Variants in MAP3K1 observed in about 807,000 individuals in gnomAD.
MAP3K1 encodes the protein MAP/ERK kinase kinase 1.
In MAP3K1, 36 loss-of-function variants were observed where a neutral mutation model predicts 144.2. The observed-to-expected ratio is 0.25, with a 90% CI of 0.19 to 0.33. The LOEUF (loss-of-function observed/expected upper bound fraction) is 0.33. Ranked by LOEUF, MAP3K1 falls within the 10% of genes least tolerant of loss-of-function variation. The probability of loss-of-function intolerance (pLI) is 1.00; values close to 1 mark genes in which losing one functional copy is unlikely to be tolerated. For synonymous variants in MAP3K1, 718 were observed against 688.7 expected, an observed-to-expected ratio of 1.04 and a Z score of -0.67; for missense variants, 1,650 against 1,881.9, an observed-to-expected ratio of 0.88 and a Z score of 2.28.
chr5:56,869,472 C>T (rs768521620), intron 6 of MAP3K1, among the ~76,000 whole-genome samples: 4 of 103,204 alleles, frequency 3.9e-5, no homozygotes, highest in Admixed American at 9.4e-5. Flanking sequence ...TTATGTTTTG[C>T]ATATGTTGCC....
At chr5:56,828,848 A>G (rs1417703420) in intron 1 of MAP3K1, among the ~76,000 whole-genome samples, 1 of 151,344 alleles carries the variant, frequency 6.6e-6, no homozygotes, top group African/African-American at 2.4e-5. Context: ...GTGTTTATTT[A>G]TAAAGACCTT....
intron 6 of MAP3K1, among the ~76,000 whole-genome samples, chr5:56,866,419 GTGTATGTATGTATGTCTGTA>G (rs1003130123): frequency 6.5e-4 from 99 of 152,054 alleles, no homozygotes; most frequent in African/African-American, 2.1e-3. Flanking sequence ...ATGTGGGTGT[GTGTATGTATGTATGTCTGTA>G]TGTATGTATG....
chr5:56,893,748 C>G lies in MAP3K1; in HGVS notation c.*68C>G. The G allele has an allele frequency of 6.5e-7, 1 of 1,548,004 alleles. No individual in the cohort carries two copies. The highest frequency in any genetic ancestry group is 8.9e-7 in the Non-Finnish European group (1 of 1,129,044). On this transcript the variant is annotated 3_prime_UTR_variant, in exon 20 of 20. Coordinates refer to ENST00000399503, the MANE Select transcript of MAP3K1 (RefSeq NM_005921.2). ...AAGAGAAAAAAAACTTGTGGGGAAC[C>G]ACATTGATATTCTACTGGCCATGAT...
Position 56,881,879 on chromosome 5 carries a change from T to C in MAP3K1, c.2679T>C (p.Tyr893=). ...SFLQASVPNN[Y]LETTENSSPE... is the part of the protein sequence containing the mutation. Reference sequence around the variant, plus strand: ...TGCAGGCATCTGTTCCCAACAACTATCTGGAAACCACAGAGAACAGTTCCC... The same window carrying C: ...TGCAGGCATCTGTTCCCAACAACTACCTGGAAACCACAGAGAACAGTTCCC... The change falls in exon 14 of 20, where the codon TAT becomes TAC. Residue 893 remains tyrosine (Y), a synonymous_variant. Transcript: ENST00000399503. The C allele has an allele frequency of 6.2e-7, 1 of 1,614,074 alleles. No homozygotes were observed. The highest frequency in any genetic ancestry group is 2.2e-5 in the East Asian group (1 of 44,868).
intron 17 of MAP3K1, among the ~76,000 whole-genome samples, chr5:56,886,361 A>G (rs1436875427): frequency 1.3e-5 from 2 of 152,162 alleles, no homozygotes; most frequent in Non-Finnish European, 2.9e-5. Flanking sequence ...CTGAGATCAC[A>G]CCACTGCACT....
chr5:56,847,980 T>C lies in MAP3K1; in HGVS notation c.483-8620T>C, dbSNP rs370624697. Among the ~76,000 whole-genome samples, 9 of 152,352 alleles carry C rather than the reference T, an allele frequency of 5.9e-5. No individual in the cohort carries two copies. In the East Asian group the frequency reaches 1.4e-3, roughly 23 times the overall value. On this transcript the variant is annotated intron_variant, in intron 1 of 19. Transcript: ENST00000399503. Reference sequence around the variant, plus strand: ...AATATATTCATACATTTTGAGCATGTAAGAACATTTAGTATAGGAGAACTG... The same window carrying C: ...AATATATTCATACATTTTGAGCATGCAAGAACATTTAGTATAGGAGAACTG...
intron 10 of MAP3K1, among the ~76,000 whole-genome samples, chr5:56,877,740 C>T (rs1292567459): frequency 6.6e-6 from 1 of 152,148 alleles, no homozygotes; most frequent in Non-Finnish European, 1.5e-5. Flanking sequence ...AGACTTTATT[C>T]AGATTTCACC....
At chr5:56,875,458 CAG>C in intron 10 of MAP3K1, 148 bp downstream of exon 10, 1 of 831,188 alleles carries the variant, frequency 1.2e-6, no homozygotes, top group Non-Finnish European at 1.9e-6. Flanking sequence ...CAGGAAATTA[CAG>C]CTTTTGTTTT....
intron 11 of MAP3K1, among the ~76,000 whole-genome samples, chr5:56,879,549 C>CACTGAAT (rs11281712): frequency 0.023 from 3,352 of 144,202 alleles, 122 homozygotes; most frequent in African/African-American, 0.079. Context: ...TTTTACTCTA[C>CACTGAAT]TTATGACAGT....
intron 16 of MAP3K1, among the ~76,000 whole-genome samples, chr5:56,885,611 T>C (rs1748356570): frequency 6.6e-6 from 1 of 152,218 alleles, no homozygotes; most frequent in African/African-American, 2.4e-5. Context: ...CTTTAGTCAT[T>C]AATAAAGTTG....
intron 1 of MAP3K1, among the ~76,000 whole-genome samples, chr5:56,855,949 A>G (rs1747331149): frequency 6.6e-6 from 1 of 152,192 alleles, no homozygotes. Flanking sequence ...TAGGCTTTGT[A>G]GAGTTAATTC....
In MAP3K1 at chr5:56,880,692, G is replaced by A; in HGVS notation, c.2088-19G>A. On this transcript the variant is annotated intron_variant, in intron 11 of 19. Transcript: ENST00000399503. The stretch of plus-strand genomic sequence containing the variant: ...TTAGCCAAGATCCAGGATTGATGTT[G>A]CTTTTCCTTTGTTTTTAGCCGCACA... 6.3e-7 allele frequency: 1 copy of A among 1,576,912 alleles called. No homozygotes were observed. The highest frequency in any genetic ancestry group is 1.1e-5 in the South Asian group (1 of 90,338).
At chr5:56,840,502 A>G (rs1461523836) in intron 1 of MAP3K1, among the ~76,000 whole-genome samples, 2 of 152,218 alleles carry the variant, frequency 1.3e-5, no homozygotes, top group Non-Finnish European at 2.9e-5. Flanking sequence ...ACATTATTTA[A>G]TAATACAAAA....
rs1179879604 is a variant in MAP3K1 at position 56,856,616 on chromosome 5, A to G, written c.499A>G (p.Lys167Glu). ...AAPAGREMEN[K>E]ETLKGLHKMD... Reference sequence around the variant, plus strand: ...GCATTTTAGTCGTGAGATGGAGAATAAAGAAACTCTCAAAGGGTTGCACAA... The same window carrying G: ...GCATTTTAGTCGTGAGATGGAGAATGAAGAAACTCTCAAAGGGTTGCACAA... The change falls in exon 2 of 20, where the codon AAA (lysine) becomes GAA (glutamate). Residue 167 changes from lysine to glutamate, a missense_variant. Lys to Glu is a moderately conservative substitution (Grantham distance 56). Around this residue, in one of 6 missense-constraint regions of MAP3K1, gnomAD observed 360 missense variants for 274.7 expected, o/e 1.31. Transcript: ENST00000399503. 1.9e-6 allele frequency: 3 copies of G among 1,613,720 alleles called. No homozygotes were observed. The highest frequency in any genetic ancestry group is 2.5e-6 in the Non-Finnish European group (3 of 1,179,626).
At chr5:56,863,614 G>C (rs1292462806) in intron 3 of MAP3K1, among the ~76,000 whole-genome samples, 2 of 152,160 alleles carry the variant, frequency 1.3e-5, no homozygotes, top group African/African-American at 4.8e-5. Context: ...TTGTGTACAA[G>C]TTTTCAGGTG....
At position 56,884,812 on chromosome 5, in the gene MAP3K1, TTGAA is replaced by T; in HGVS notation, c.3971_3974del (p.Glu1324GlyfsTer11). 4 of 1,613,538 alleles carry T rather than the reference TTGAA, an allele frequency of 2.5e-6. No individual in the cohort carries two copies. Among genetic ancestry groups the T allele is most frequent in the Non-Finnish European group, 3.4e-6 (4 of 1,179,606 alleles). ...GAGAAGAGCAATTACAATCTCTTCA[TTGAA>T]TGGATGGCAGGTATGTTAATGTTTT... On this transcript the variant is annotated frameshift_variant, in exon 16 of 20. Coordinates refer to ENST00000399503, the MANE Select transcript of MAP3K1 (RefSeq NM_005921.2). LOFTEE classifies it high-confidence loss of function.
intron 1 of MAP3K1, among the ~76,000 whole-genome samples, chr5:56,830,410 A>G (rs1746450790): frequency 6.6e-6 from 1 of 152,090 alleles, no homozygotes; most frequent in African/African-American, 2.4e-5. Context: ...TCTTAAACAC[A>G]TACATATACT....
At position 56,826,475 on chromosome 5, in the gene MAP3K1, C is replaced by CA. The variant is rs540469801; in HGVS notation, c.482+10421dup. 5.8e-5 allele frequency among the ~76,000 whole-genome samples: 7 copies of CA among 120,644 alleles called. No individual in the cohort carries two copies. The East Asian group carries it at 1.4e-3, about 24-fold the overall frequency. The allele number at this position is 120,644 out of a possible 152,430, so 79.1% of individuals were successfully genotyped here. On this transcript the variant is annotated intron_variant, in intron 1 of 19. Coordinates refer to ENST00000399503, the MANE Select transcript of MAP3K1 (RefSeq NM_005921.2). ...ATTTTCTTATTTTGTGTTAAAAGCT[C>CA]AGAGATGTGGTCTCAGGGAAAAAAT...
intron 1 of MAP3K1, chr5:56,841,991 A>T (rs942825638): frequency 1.3e-5 from 2 of 152,256 alleles, no homozygotes; most frequent in African/African-American, 4.8e-5. Context: ...ATAATAGTAT[A>T]ATAAACAGCC....
Sources: gnomAD v4.1 joint callset for allele counts (sites outside exome capture counted in the v4.1 genomes callset) on GRCh38, gnomAD v4.1.1 for gene constraint, gnomAD v4.1.1 regional missense constraint, MANE v1.5 for transcripts, NCBI Gene and HGNC (gene_info 2026-07-23, HGNC 2026-07-21) for gene names.